KCNJ6: variants seen among roughly 807,000 people sequenced by gnomAD.
KCNJ6 encodes the protein G protein-activated inward rectifier potassium channel 2.
KCNJ6 carries 9 observed loss-of-function variants against 34.2 expected under a neutral mutation model. The ratio of observed to expected loss-of-function variants is 0.26; its 90% CI spans 0.16 to 0.46. The LOEUF is 0.46. Ranked by LOEUF, KCNJ6 falls within the 20% of genes least tolerant of loss-of-function variation. KCNJ6 has a pLI of 1.00. For synonymous variants in KCNJ6, 196 were observed against 207.1 expected (o/e 0.95, Z 0.46); for missense variants, 236 against 531.3 (o/e 0.44, Z 5.46).
intron 3 of KCNJ6, among the ~76,000 whole-genome samples, chr21:37,683,953 G>C (rs952497029): frequency 6.6e-6 from 1 of 152,224 alleles, no homozygotes; most frequent in Non-Finnish European, 1.5e-5. Flanking sequence ...CAGTGACCAC[G>C]TTTGGTGAGC....
At chr21:37,788,398 C>T (rs1379539559) in intron 2 of KCNJ6, among the ~76,000 whole-genome samples, 1 of 152,082 alleles carries the variant, frequency 6.6e-6, no homozygotes, top group Non-Finnish European at 1.5e-5. Flanking sequence ...ATTATAATGT[C>T]CTTCTTATTC....
Position 37,670,580 on chromosome 21 carries a change from C to T in KCNJ6, c.946+43631G>A, listed in dbSNP as rs538864582. On this transcript the variant is annotated intron_variant, in intron 3 of 3. Coordinates refer to ENST00000609713, the MANE Select transcript of KCNJ6 (RefSeq NM_002240.5). ...AGGAGTTTGAAACCAGCCGGGGCAACGTGGTGAAACCATGTCTCTCCTAAA... is the reference window on the plus strand; with the variant it reads ...AGGAGTTTGAAACCAGCCGGGGCAATGTGGTGAAACCATGTCTCTCCTAAA... 1.1e-4 allele frequency among the ~76,000 whole-genome samples: 17 copies of T among 152,234 alleles called. No individual in the cohort carries two copies. The South Asian group carries it at 2.3e-3, about 20-fold the overall frequency.
chr21:37,821,818 A>G (rs185372286), intron 2 of KCNJ6, among the ~76,000 whole-genome samples: 54 of 152,388 alleles, frequency 3.5e-4, no homozygotes, highest in African/African-American at 1.3e-3. Flanking sequence ...TATTTTATCC[A>G]GAAAGAATGG....
intron 1 of KCNJ6, among the ~76,000 whole-genome samples, chr21:37,892,147 A>G (rs2055765428): frequency 6.6e-6 from 1 of 152,162 alleles, no homozygotes; most frequent in African/African-American, 2.4e-5. Context: ...ACTGTTCCCC[A>G]TTGTAATTCT....
chr21:37,639,053 A>G (rs1207832530), intron 3 of KCNJ6, among the ~76,000 whole-genome samples: 1 of 152,238 alleles, frequency 6.6e-6, no homozygotes, highest in African/African-American at 2.4e-5. Flanking sequence ...AGGGCTCCCA[A>G]TAATGTACCA....
At chr21:37,769,412 T>TTTA (rs71198893) in intron 2 of KCNJ6, among the ~76,000 whole-genome samples, 12,258 of 145,228 alleles carry the variant, frequency 0.084, 557 homozygotes, top group African/African-American at 0.12. Context: ...AGCCTTCAAT[T>TTTA]TTATTATTAT....
chr21:37,734,598 C>T (rs974594036), intron 2 of KCNJ6, among the ~76,000 whole-genome samples: 1 of 152,178 alleles, frequency 6.6e-6, no homozygotes, highest in African/African-American at 2.4e-5. Flanking sequence ...CGCTATTTAA[C>T]GATCAGCTGT....
At chr21:37,761,171 TTG>T (rs1033601900) in intron 2 of KCNJ6, among the ~76,000 whole-genome samples, 2 of 144,278 alleles carry the variant, frequency 1.4e-5, no homozygotes, top group African/African-American at 5.8e-5. Context: ...TGTATGTGTG[TTG>T]TGTGTGCATG....
rs562349261 is a variant in KCNJ6 at position 37,775,575 on chromosome 21, C to T, written c.26-60444G>A. Among the ~76,000 whole-genome samples, 176 of 152,268 alleles carry T rather than the reference C, an allele frequency of 1.2e-3. 1 individual carries two copies. Among genetic ancestry groups the T allele is most frequent in the African/African-American group, 3.9e-3 (164 of 41,550 alleles). The stretch of plus-strand genomic sequence containing the variant: ...GTTTCAGCTTTCTACATATGGCTAG[C>T]CAGTTTTCCCAGCACCATTTATTAA... On this transcript the variant is annotated intron_variant, in intron 2 of 3. Transcript: ENST00000609713.
At chr21:37,742,477 C>G (rs1306781215) in intron 2 of KCNJ6, among the ~76,000 whole-genome samples, 1 of 149,682 alleles carries the variant, frequency 6.7e-6, no homozygotes, top group Non-Finnish European at 1.5e-5. Flanking sequence ...GGTATATACT[C>G]ATGTAGAACA....
chr21:37,767,945 A>T (rs1323868421), intron 2 of KCNJ6, among the ~76,000 whole-genome samples: 1 of 152,232 alleles, frequency 6.6e-6, no homozygotes, highest in Non-Finnish European at 1.5e-5. Context: ...TTAGAGGAAG[A>T]CACAGAGTCT....
chr21:37,757,721 C>T (rs531291697), intron 2 of KCNJ6, among the ~76,000 whole-genome samples: 1 of 152,350 alleles, frequency 6.6e-6, no homozygotes, highest in African/African-American at 2.4e-5. Flanking sequence ...AGTGAGCACT[C>T]CCTCACAGTG....
At chr21:37,901,752 T>C (rs1035050505) in intron 1 of KCNJ6, among the ~76,000 whole-genome samples, 1 of 152,218 alleles carries the variant, frequency 6.6e-6, no homozygotes, top group Non-Finnish European at 1.5e-5. Flanking sequence ...GGGATGTAAC[T>C]GGGTCATTAT....
chr21:37,667,154 T>TAAAAAAAAAAAACAAAAAAAAA (rs2054517846), intron 3 of KCNJ6, among the ~76,000 whole-genome samples: 1 of 39,068 alleles, frequency 2.6e-5, no homozygotes, highest in African/African-American at 1.1e-4. Flanking sequence ...CAATAAATAC[T>TAAAAAAAAAAAACAAAAAAAAA]AAAAAAAAAA....
intron 3 of KCNJ6, among the ~76,000 whole-genome samples, chr21:37,687,725 G>A (rs1255919492): frequency 6.6e-6 from 1 of 152,118 alleles, no homozygotes; most frequent in Non-Finnish European, 1.5e-5. Flanking sequence ...GAGCTTGTTA[G>A]GATTTCTTAT....
chr21:37,816,054 T>C (rs1224873174), intron 2 of KCNJ6, among the ~76,000 whole-genome samples: 1 of 152,186 alleles, frequency 6.6e-6, no homozygotes, highest in Non-Finnish European at 1.5e-5. Context: ...GTGTTGGCCA[T>C]GCTGGCCTCT....
At chr21:37,895,109 T>C (rs946863725) in intron 1 of KCNJ6, among the ~76,000 whole-genome samples, 14 of 152,192 alleles carry the variant, frequency 9.2e-5, no homozygotes, top group South Asian at 2.1e-4. Context: ...TGACATATGC[T>C]AAGCAGGGGA....
chr21:37,702,234 C>CCA (rs1556021319), intron 3 of KCNJ6, among the ~76,000 whole-genome samples: 1 of 97,810 alleles, frequency 1.0e-5, no homozygotes, highest in African/African-American at 4.0e-5. Context: ...TTTTGTCTCA[C>CCA]AAAAAAAAAA....
intron 2 of KCNJ6, among the ~76,000 whole-genome samples, chr21:37,796,225 C>T (rs2055241151): frequency 6.6e-6 from 1 of 152,196 alleles, no homozygotes; most frequent in African/African-American, 2.4e-5. Context: ...ATGAGCAAGC[C>T]TGAAGTCACT....
Sources: allele counts gnomAD v4.1 joint callset (sites outside exome capture counted in the v4.1 genomes callset), GRCh38; gene constraint gnomAD v4.1.1; transcripts MANE v1.5; gene names NCBI Gene and HGNC (gene_info 2026-07-23, HGNC 2026-07-21).